The following SCIN variants were observed in gnomAD, a reference collection of about 807,000 sequenced individuals.
SCIN encodes adseverin.
In SCIN, 91 loss-of-function variants were observed where a neutral mutation model predicts 91.8. The observed-to-expected ratio is 0.99, with a 90% CI of 0.84 to 1.18. The LOEUF (loss-of-function observed/expected upper bound fraction) is 1.18. Ranked by LOEUF, SCIN falls within the 50% of genes most tolerant of loss-of-function variation. The pLI is 0.00. For missense variants in SCIN, 1,087 were observed against 863.9 expected, an observed-to-expected ratio of 1.26 and a Z score of -3.24; for synonymous variants, 367 against 312.6, an observed-to-expected ratio of 1.17 and a Z score of -1.84.
intron 1 of SCIN, among the ~76,000 whole-genome samples, chr7:12,573,609 T>A (rs2115198228): frequency 6.6e-6 from 1 of 152,296 alleles, no homozygotes; most frequent in Non-Finnish European, 1.5e-5. Flanking sequence ...TTTAAAAACA[T>A]TTCAGCTTTG....
intron 10 of SCIN, 21 bp from the exon 11 acceptor site, chr7:12,640,326 A>T: frequency 3.3e-6 from 5 of 1,532,938 alleles, no homozygotes; most frequent in Middle Eastern, 1.8e-4. Context: ...TATTTCTTTT[A>T]TTCCCCCTCT....
At chr7:12,623,034 C>T in intron 5 of SCIN, 141 bp downstream of exon 5, 4 of 524,926 alleles carry the variant, frequency 7.6e-6, no homozygotes, top group Non-Finnish European at 1.4e-5. Flanking sequence ...AGAATCAGTT[C>T]TTTGCTCTTG....
At chr7:12,574,485 A>G (rs537340375) in intron 1 of SCIN, among the ~76,000 whole-genome samples, 2 of 152,272 alleles carry the variant, frequency 1.3e-5, no homozygotes, top group Non-Finnish European at 2.9e-5. Flanking sequence ...AGATGTATGA[A>G]TTTACACATG....
chr7:12,616,727 C>T (rs1444396002), intron 4 of SCIN, among the ~76,000 whole-genome samples: 1 of 151,968 alleles, frequency 6.6e-6, no homozygotes, highest in Non-Finnish European at 1.5e-5. Flanking sequence ...GTCGTATGTA[C>T]AAGACTATAT....
Position 12,588,454 on chromosome 7 carries a change from C to T in SCIN, c.516+7233C>T, listed in dbSNP as rs75527770. Among the ~76,000 whole-genome samples, 406 of 151,968 alleles carry T rather than the reference C, an allele frequency of 2.7e-3. 5 individuals are homozygous for T. The highest frequency in any genetic ancestry group is 9.3e-3 in the African/African-American group (384 of 41,446). ...TGGATGAGGGCGCTGTAAGGTTAGCCGAGAGAAAGGACGAGAGAGAGACCC... is the reference window on the plus strand; with the variant it reads ...TGGATGAGGGCGCTGTAAGGTTAGCTGAGAGAAAGGACGAGAGAGAGACCC... On this transcript the variant is annotated intron_variant, in intron 3 of 15. Transcript: ENST00000297029.
At chr7:12,640,300 A>G in intron 10 of SCIN, 47 bp from the exon 11 acceptor site, 1 of 1,440,258 alleles carries the variant, frequency 6.9e-7, no homozygotes, top group Non-Finnish European at 9.2e-7. Context: ...ACCTTCTTTC[A>G]CAGCACTCTT....
chr7:12,646,289 C>G (rs1473176359), intron 13 of SCIN, among the ~76,000 whole-genome samples: 2 of 152,138 alleles, frequency 1.3e-5, no homozygotes, highest in Non-Finnish European at 2.9e-5. Flanking sequence ...CTGAGAAGTC[C>G]AAGATTAAGG....
intron 9 of SCIN, among the ~76,000 whole-genome samples, chr7:12,629,748 C>T (rs2115279101): frequency 6.6e-6 from 1 of 152,108 alleles, no homozygotes; most frequent in East Asian, 1.9e-4. Context: ...CATGGTTTTG[C>T]ATGATGATTT....
intron 11 of SCIN, among the ~76,000 whole-genome samples, chr7:12,642,060 A>G (rs530114840): frequency 1.3e-5 from 2 of 151,550 alleles, no homozygotes; most frequent in South Asian, 4.2e-4. Flanking sequence ...AGTGAATATT[A>G]TATACTATAT....
intron 3 of SCIN, among the ~76,000 whole-genome samples, chr7:12,599,881 G>A (rs1782922842): frequency 6.6e-6 from 1 of 152,036 alleles, no homozygotes; most frequent in Admixed American, 6.6e-5. Flanking sequence ...TTGCTGATGT[G>A]TTTTTGAGTT....
chr7:12,585,640 G>T (rs1459225007), intron 3 of SCIN, among the ~76,000 whole-genome samples: 7 of 152,144 alleles, frequency 4.6e-5, no homozygotes, highest in African/African-American at 1.7e-4. Context: ...ACTCACTCAG[G>T]ATTTCAAAGC....
At chr7:12,607,875 A>T (rs532473137) in intron 4 of SCIN, among the ~76,000 whole-genome samples, 1 of 152,326 alleles carries the variant, frequency 6.6e-6, no homozygotes, top group African/African-American at 2.4e-5. Flanking sequence ...AATGATAAGG[A>T]TAGAATACAA....
At chr7:12,622,698 T>G (rs1312472504) in intron 4 of SCIN, 103 bp from the exon 5 acceptor site, 1 of 801,258 alleles carries the variant, frequency 1.2e-6, no homozygotes, top group Non-Finnish European at 2.0e-6. Context: ...TCATTTTAAT[T>G]GCAAATATTT....
chr7:12,633,230 A>T (rs760687265), intron 9 of SCIN, among the ~76,000 whole-genome samples: 10 of 152,244 alleles, frequency 6.6e-5, no homozygotes, highest in Non-Finnish European at 1.5e-4. Context: ...GACAAAAAAA[A>T]AATTCAGCAA....
chr7:12,598,664 A>C (rs1782891666), intron 3 of SCIN, among the ~76,000 whole-genome samples: 1 of 152,204 alleles, frequency 6.6e-6, no homozygotes, highest in Admixed American at 6.5e-5. Flanking sequence ...AGGCCAAGGC[A>C]GGCAGATCGC....
At chr7:12,574,352 G>T (rs190445549) in intron 1 of SCIN, among the ~76,000 whole-genome samples, 2 of 152,198 alleles carry the variant, frequency 1.3e-5, no homozygotes, top group East Asian at 1.9e-4. Context: ...TTTAGATTTG[G>T]CATTGCCGTT....
chr7:12,592,272 G>A (rs1782740009), intron 3 of SCIN, among the ~76,000 whole-genome samples: 1 of 152,088 alleles, frequency 6.6e-6, no homozygotes, highest in South Asian at 2.1e-4. Flanking sequence ...GGATGAATAG[G>A]GAGGACAGCT....
intron 14 of SCIN, among the ~76,000 whole-genome samples, chr7:12,650,059 C>G (rs1784050222): frequency 6.6e-6 from 1 of 152,140 alleles, no homozygotes; most frequent in African/African-American, 2.4e-5. Flanking sequence ...CGTGCCACAT[C>G]TGATAGGTTT....
At chr7:12,600,643 C>T (rs2115245714) in intron 3 of SCIN, among the ~76,000 whole-genome samples, 1 of 152,288 alleles carries the variant, frequency 6.6e-6, no homozygotes, top group East Asian at 1.9e-4. Context: ...GAAAAGTCTA[C>T]TGAGTTGCAC....
Sources: gnomAD v4.1 joint callset for allele counts (sites outside exome capture counted in the v4.1 genomes callset) on GRCh38, gnomAD v4.1.1 for gene constraint, MANE v1.5 for transcripts, NCBI Gene and HGNC (gene_info 2026-07-23, HGNC 2026-07-21) for gene names.